BCAS3: variants seen among roughly 807,000 people sequenced by gnomAD.
BCAS3 encodes BCAS4/BCAS3 fusion.
In BCAS3, 53 loss-of-function variants were observed where a neutral mutation model predicts 116.1. The observed-to-expected ratio is 0.46, with a 90% CI of 0.37 to 0.57. The LOEUF (loss-of-function observed/expected upper bound fraction) is 0.57, where lower values mean the gene tolerates loss of function less well. BCAS3 is among the 20% of genes least tolerant of loss of function. The probability of loss-of-function intolerance (pLI) is 0.00; values close to 1 mark genes in which losing one functional copy is unlikely to be tolerated. For missense variants in BCAS3, 917 were observed against 1,165.4 expected, an observed-to-expected ratio of 0.79 and a Z score of 3.10; for synonymous variants, 391 against 408.2, an observed-to-expected ratio of 0.96 and a Z score of 0.51.
chr17:61,250,930 C>G (rs1160051404), intron 22 of BCAS3, among the ~76,000 whole-genome samples: 2 of 152,168 alleles, frequency 1.3e-5, no homozygotes, highest in Non-Finnish European at 1.5e-5. Flanking sequence ...CTTGTGGGTG[C>G]CTTTGTGGTA....
In BCAS3 at chr17:61,380,471, A is replaced by G; in HGVS notation, c.2594-11506A>G. ...TGCTCTCTTAAAGGTCCAGTTTGTGATCCGCTTTAAAGGAATATTTTATTT... is the reference window on the plus strand; with the variant it reads ...TGCTCTCTTAAAGGTCCAGTTTGTGGTCCGCTTTAAAGGAATATTTTATTT... On this transcript the variant is annotated intron_variant, in intron 23 of 23. Transcript: ENST00000407086. This position sits in a 1 kb window ranked among gnomAD's most constrained non-coding sequence, Gnocchi z 4.2. The G allele has an allele frequency of 6.3e-7, 1 of 1,575,644 alleles. No homozygotes were observed. Among genetic ancestry groups the G allele is most frequent in the Non-Finnish European group, 8.6e-7 (1 of 1,160,738 alleles).
At chr17:61,055,824 G>A (rs544793755) in intron 19 of BCAS3, among the ~76,000 whole-genome samples, 15 of 152,054 alleles carry the variant, frequency 9.9e-5, no homozygotes, top group South Asian at 6.2e-4. Context: ...AAAAATTGCC[G>A]TGTTTTTCCA....
intron 14 of BCAS3, among the ~76,000 whole-genome samples, chr17:60,966,304 A>T (rs1017714805): frequency 1.6e-4 from 24 of 152,162 alleles, no homozygotes; most frequent in African/African-American, 5.6e-4. Flanking sequence ...TTTTAGTTGG[A>T]TAATCGAGAC....
intron 7 of BCAS3, among the ~76,000 whole-genome samples, chr17:60,834,445 T>C (rs1014760189): frequency 6.6e-6 from 1 of 152,038 alleles, no homozygotes; most frequent in African/African-American, 2.4e-5. Flanking sequence ...TTTACTTCAT[T>C]TCTCAGCATG....
intron 22 of BCAS3, among the ~76,000 whole-genome samples, chr17:61,093,679 G>C (rs1043652343): frequency 6.6e-6 from 1 of 152,120 alleles, no homozygotes; most frequent in Non-Finnish European, 1.5e-5. Context: ...AAAAAGATAC[G>C]CCTTTCCTAT....
At chr17:61,107,226 AC>A (rs2074725733) in intron 22 of BCAS3, among the ~76,000 whole-genome samples, 1 of 151,068 alleles carries the variant, frequency 6.6e-6, no homozygotes, top group Non-Finnish European at 1.5e-5. Flanking sequence ...AGCTGGGATT[AC>A]AGGTGTGCAC....
chr17:60,998,340 T>A (rs1277392373), intron 15 of BCAS3, among the ~76,000 whole-genome samples: 3 of 152,228 alleles, frequency 2.0e-5, no homozygotes, highest in Admixed American at 2.0e-4. Flanking sequence ...TAAGAATGAT[T>A]TATTTTCTTT....
intron 22 of BCAS3, among the ~76,000 whole-genome samples, chr17:61,143,424 T>G (rs1472987871): frequency 6.6e-6 from 1 of 152,194 alleles, no homozygotes. Flanking sequence ...AGAATAAAGG[T>G]AGATATTCTG....
intron 16 of BCAS3, among the ~76,000 whole-genome samples, chr17:61,033,950 C>T: frequency 6.6e-6 from 1 of 152,138 alleles, no homozygotes; most frequent in East Asian, 1.9e-4. Context: ...ATATGAGCAA[C>T]AGAAAAGATT....
Position 61,259,895 on chromosome 17 carries a change from T to C in BCAS3, c.2426-108432T>C, listed in dbSNP as rs2049054292. ...GAATAGGATATGCTTTTTATTACTT[T>C]GGACTGACCTAGTGATAATAATACT... On this transcript the variant is annotated intron_variant, in intron 22 of 23. Transcript: ENST00000407086. The surrounding 1 kb of genome is among the most constrained non-coding windows in gnomAD (Gnocchi z 4.7). Among the ~76,000 whole-genome samples, 1 of 152,376 alleles carries C rather than the reference T, an allele frequency of 6.6e-6. No individual in the cohort carries two copies. The highest frequency in any genetic ancestry group is 2.4e-5 in the African/African-American group (1 of 41,588).
intron 13 of BCAS3, among the ~76,000 whole-genome samples, chr17:60,945,558 TG>T (rs2060441090): frequency 6.6e-6 from 1 of 152,150 alleles, no homozygotes; most frequent in Admixed American, 6.5e-5. Context: ...CCCAGCACTT[TG>T]GGAGGCTGAG....
At chr17:61,075,468 C>T (rs894258627) in intron 20 of BCAS3, among the ~76,000 whole-genome samples, 1 of 152,130 alleles carries the variant, frequency 6.6e-6, no homozygotes, top group African/African-American at 2.4e-5. Context: ...GCATGCACCA[C>T]CATGCCTGGC....
chr17:61,350,435 A>C (rs930937089), intron 22 of BCAS3, among the ~76,000 whole-genome samples: 1 of 150,560 alleles, frequency 6.6e-6, no homozygotes, highest in African/African-American at 2.4e-5. Flanking sequence ...TAAATAAATA[A>C]ATAAATAAAT....
Position 61,026,977 on chromosome 17 carries a change from T to C in BCAS3, c.1638-7689T>C. 1 of 1,473,892 alleles carries C rather than the reference T, an allele frequency of 6.8e-7. No individual in the cohort carries two copies. The highest frequency in any genetic ancestry group is 9.3e-7 in the Non-Finnish European group (1 of 1,075,242). 91.3% of individuals were successfully genotyped at this position (1,473,892 alleles called of 1,614,324 possible). A position where few individuals can be genotyped will look rare whatever the true frequency, so the allele number is the denominator to read the frequency against. ...TACTCTCAAAAAGTAATTTGTTTTGTAGTTTTGTTTCCAGTTGCATGGCCT... is the reference window on the plus strand; with the variant it reads ...TACTCTCAAAAAGTAATTTGTTTTGCAGTTTTGTTTCCAGTTGCATGGCCT... On this transcript the variant is annotated intron_variant, in intron 16 of 23. Transcript: ENST00000407086. The surrounding 1 kb of genome is among the most constrained non-coding windows in gnomAD (Gnocchi z 5.0).
chr17:61,165,402 T>A (rs1465849573), intron 22 of BCAS3, among the ~76,000 whole-genome samples: 2 of 152,344 alleles, frequency 1.3e-5, no homozygotes, highest in South Asian at 2.1e-4. Context: ...CTACTTTTTT[T>A]TAAAAAAGTT....
Position 61,237,405 on chromosome 17 carries a change from G to A in BCAS3, c.2426-130922G>A, listed in dbSNP as rs547672266. On this transcript the variant is annotated intron_variant, in intron 22 of 23. Coordinates refer to ENST00000407086, the MANE Select transcript of BCAS3 (RefSeq NM_017679.5). ...AAGGGCATTCTGATAGGACAGAAAC[G>A]GAACATGGGTGGGGACAAATAAAGG... Among the ~76,000 whole-genome samples, 20 of 152,322 alleles carry A rather than the reference G, an allele frequency of 1.3e-4. No individual in the cohort carries two copies. In the South Asian group the frequency reaches 1.9e-3, roughly 14 times the overall value.
At chr17:60,862,739 A>G (rs2054263012) in intron 7 of BCAS3, among the ~76,000 whole-genome samples, 1 of 152,172 alleles carries the variant, frequency 6.6e-6, no homozygotes, top group African/African-American at 2.4e-5. Context: ...GCATCCTCAA[A>G]TTGCTCCTGC....
intron 19 of BCAS3, among the ~76,000 whole-genome samples, chr17:61,049,730 CTTTTTTT>C (rs1027378849): frequency 3.3e-5 from 4 of 120,826 alleles, no homozygotes; most frequent in African/African-American, 1.1e-4. Flanking sequence ...CTTTTCTTTT[CTTTTTTT>C]TTTTTTTTTT....
At chr17:61,011,837 A>G (rs909429990) in intron 15 of BCAS3, among the ~76,000 whole-genome samples, 6 of 152,084 alleles carry the variant, frequency 3.9e-5, no homozygotes, top group Non-Finnish European at 2.9e-5. Context: ...AAGGATTGTT[A>G]GGCTGTCTTG....
Sources: gnomAD v4.1 joint callset for allele counts (sites outside exome capture counted in the v4.1 genomes callset) on GRCh38, gnomAD v4.1.1 for gene constraint, Gnocchi (gnomAD v3.1) non-coding constraint, MANE v1.5 for transcripts, NCBI Gene and HGNC (gene_info 2026-07-23, HGNC 2026-07-21) for gene names.